PCDHGA1: variants seen among roughly 807,000 people sequenced by gnomAD.
The protein encoded by PCDHGA1 is protocadherin gamma subfamily A, 1, also known as protocadherin gamma-A1.
A neutral mutation model predicts 58.0 loss-of-function variants in PCDHGA1; 32 were observed. The observed-to-expected ratio is 0.55, with a 90% CI of 0.42 to 0.74. PCDHGA1 has a LOEUF of 0.74. Among genes scored for constraint, PCDHGA1 ranks in the 30% least tolerant of loss-of-function variants. PCDHGA1 has a pLI of 0.00. For synonymous variants in PCDHGA1, 498 were observed against 501.1 expected (o/e 0.99, Z 0.08); for missense variants, 1,205 against 1,182.3 (o/e 1.02, Z -0.28).
chr5:141,331,936 T>A lies in PCDHGA1; in HGVS notation c.1252T>A (p.Tyr418Asn). 6.2e-7 allele frequency: 1 copy of A among 1,614,154 alleles called. No individual in the cohort carries two copies. Among genetic ancestry groups the A allele is most frequent in the Non-Finnish European group, 8.5e-7 (1 of 1,180,038 alleles). ...RTLDRELISG[Y>N]NITITAIDQG... The stretch of plus-strand genomic sequence containing the variant: ...ACTGGACAGAGAACTTATCTCTGGG[T>A]ACAACATCACAATAACAGCAATAGA... Residue 418 changes from tyrosine to asparagine, a missense_variant, in exon 1 of 4, where the codon TAC (tyrosine) becomes AAC (asparagine). Tyr to Asn is a moderately radical substitution (Grantham distance 143, BLOSUM62 -2). Transcript: ENST00000517417.
intron 1 of PCDHGA1, among the ~76,000 whole-genome samples, chr5:141,454,626 G>A (rs1206050863): frequency 6.6e-6 from 1 of 151,304 alleles, no homozygotes; most frequent in African/African-American, 2.4e-5. Flanking sequence ...GGCTGGTCTC[G>A]AACCCCCAAC....
Position 141,487,247 on chromosome 5 carries a change from T to C in PCDHGA1, c.2422-7560T>C. Reference sequence around the variant, plus strand: ...GGAAGGAGAATCTCGTCTAACCCTCTACTTGGCTGTGTCCCTAGTGGCAAT... The same window carrying C: ...GGAAGGAGAATCTCGTCTAACCCTCCACTTGGCTGTGTCCCTAGTGGCAAT... On this transcript the variant is annotated intron_variant, in intron 1 of 3. Transcript: ENST00000517417. This position sits in a 1 kb window ranked among gnomAD's most constrained non-coding sequence, Gnocchi z 5.0. 1 of 1,614,174 alleles carries C rather than the reference T, an allele frequency of 6.2e-7. No individual in the cohort carries two copies. The highest frequency in any genetic ancestry group is 1.3e-5 in the African/African-American group (1 of 75,048).
chr5:141,485,922 G>C lies in PCDHGA1; in HGVS notation c.2422-8885G>C. 6.2e-7 allele frequency: 1 copy of C among 1,614,170 alleles called. No individual in the cohort carries two copies. The highest frequency in any genetic ancestry group is 8.5e-7 in the Non-Finnish European group (1 of 1,180,036). On this transcript the variant is annotated intron_variant, in intron 1 of 3. Transcript: ENST00000517417. This position sits in a 1 kb window ranked among gnomAD's most constrained non-coding sequence, Gnocchi z 5.7. The stretch of plus-strand genomic sequence containing the variant: ...TTCCAGCAATCCAGCTACAGGATTA[G>C]TGTGTTGGAGAGCGCACCAGCGGGC...
intron 1 of PCDHGA1, among the ~76,000 whole-genome samples, chr5:141,420,624 CTCAA>C (rs1561789527): frequency 1.3e-5 from 2 of 152,278 alleles, no homozygotes; most frequent in Admixed American, 1.3e-4. Context: ...TCTTCATTTA[CTCAA>C]TAAAGGAACC....
Position 141,511,508 on chromosome 5 carries a change from C to T in PCDHGA1, c.*335C>T, listed in dbSNP as rs1339517659. 7.8e-6 allele frequency: 3 copies of T among 385,970 alleles called. No individual in the cohort carries two copies. Among genetic ancestry groups the T allele is most frequent in the Non-Finnish European group, 1.5e-5 (3 of 206,164 alleles). The allele number at this position is 385,970 out of a possible 1,614,324, so 23.9% of individuals were successfully genotyped here. Reference sequence around the variant, plus strand: ...TCCTCCATCTTCCAAATCAATCAGGCCCATCCATCCCATGCCTCCCTCCTC... The same window carrying T: ...TCCTCCATCTTCCAAATCAATCAGGTCCATCCATCCCATGCCTCCCTCCTC... On this transcript the variant is annotated 3_prime_UTR_variant, in exon 4 of 4. Coordinates refer to ENST00000517417, the MANE Select transcript of PCDHGA1 (RefSeq NM_018912.3).
rs754577584 is a variant in PCDHGA1, at chr5:141,384,611, G to A, written c.2421+51506G>A. The A allele has an allele frequency of 4.3e-6, 7 of 1,614,098 alleles. No individual in the cohort carries two copies. The highest frequency in any genetic ancestry group is 5.9e-6 in the Non-Finnish European group (7 of 1,180,050). On this transcript the variant is annotated intron_variant, in intron 1 of 3. Coordinates refer to ENST00000517417, the MANE Select transcript of PCDHGA1 (RefSeq NM_018912.3). ...CTGTACCCGGCCCTCCCCACAGATG[G>A]TTCTACTGGCATGGAGCTGGCACCC...
At chr5:141,399,501 C>G in intron 1 of PCDHGA1, 1 of 1,614,030 alleles carries the variant, frequency 6.2e-7, no homozygotes, top group South Asian at 1.1e-5. Flanking sequence ...TCAGTGTACC[C>G]GAAAACAACC....
intron 1 of PCDHGA1, chr5:141,427,796 C>A: frequency 6.7e-7 from 1 of 1,502,108 alleles, no homozygotes; most frequent in Non-Finnish European, 9.2e-7. Flanking sequence ...CCTACGTGTC[C>A]GTGAGCGCAC....
chr5:141,502,866 C>CTTTT (rs549047197), intron 2 of PCDHGA1, among the ~76,000 whole-genome samples: 3 of 128,028 alleles, frequency 2.3e-5, no homozygotes, highest in African/African-American at 6.2e-5. Flanking sequence ...GACTCTCTGT[C>CTTTT]TTTTTTTTTT....
At chr5:141,339,894 A>G (rs1281295321) in intron 1 of PCDHGA1, 3 of 1,614,136 alleles carry the variant, frequency 1.9e-6, no homozygotes, top group Non-Finnish European at 1.7e-6. Flanking sequence ...AAAGATCTAG[A>G]TTATGAGGAT....
chr5:141,491,114 C>T lies in PCDHGA1; in HGVS notation c.2422-3693C>T, dbSNP rs1240431232. 1 of 1,614,104 alleles carries T rather than the reference C, an allele frequency of 6.2e-7. No homozygotes were observed. Among genetic ancestry groups the T allele is most frequent in the Admixed American group, 1.7e-5 (1 of 60,012 alleles). ...GGACTGTTCCTCGTGTCTACACACA[C>T]TGGTGAGGTGCGCACAGCCCGGGCC... On this transcript the variant is annotated intron_variant, in intron 1 of 3. Transcript: ENST00000517417. The surrounding 1 kb of genome is among the most constrained non-coding windows in gnomAD (Gnocchi z 6.9).
chr5:141,357,279 C>T lies in PCDHGA1; in HGVS notation c.2421+24174C>T, dbSNP rs139727169. 6.8e-6 allele frequency: 11 copies of T among 1,613,878 alleles called. No individual in the cohort carries two copies. The East Asian group carries it at 2.2e-4, about 33-fold the overall frequency. ...ACGACTCGGGCCTCACACTCTATCT[C>T]GTGGTGGCAGTGGCCGCTGTCTCCT... On this transcript the variant is annotated intron_variant, in intron 1 of 3. Coordinates refer to ENST00000517417, the MANE Select transcript of PCDHGA1 (RefSeq NM_018912.3).
intron 1 of PCDHGA1, chr5:141,365,890 C>G (rs780121604): frequency 6.2e-7 from 1 of 1,614,022 alleles, no homozygotes; most frequent in East Asian, 2.2e-5. Flanking sequence ...TGAGATCCTT[C>G]GACTATGAGC....
intron 1 of PCDHGA1, among the ~76,000 whole-genome samples, chr5:141,474,142 T>G (rs2099344082): frequency 6.6e-6 from 1 of 152,212 alleles, no homozygotes; most frequent in African/African-American, 2.4e-5. Flanking sequence ...ACAGGCCTTA[T>G]TATCAAGAAA....
chr5:141,351,096 T>C, intron 1 of PCDHGA1: 1 of 1,614,058 alleles, frequency 6.2e-7, no homozygotes, highest in Non-Finnish European at 8.5e-7. Flanking sequence ...TATGCCTTCC[T>C]CAATTCCCCA....
intron 1 of PCDHGA1, among the ~76,000 whole-genome samples, chr5:141,462,839 T>C (rs1020663897): frequency 8.5e-5 from 13 of 152,228 alleles, no homozygotes; most frequent in Non-Finnish European, 1.5e-4. Context: ...GTAAATGTTA[T>C]ATTTTTGAGT....
intron 1 of PCDHGA1, chr5:141,441,396 C>T (rs2098244328): frequency 6.5e-6 from 1 of 154,724 alleles, no homozygotes; most frequent in Admixed American, 6.5e-5. Flanking sequence ...GGTATAACAT[C>T]AGCATCACTG....
Position 141,443,030 on chromosome 5 carries a change from C to A in PCDHGA1, c.2422-51777C>A, listed in dbSNP as rs147317486. ...ATATGACTAATGGAAGTTGCCAGAC[C>A]TAAACTTTGAAAATTATTGTTCCAC... On this transcript the variant is annotated intron_variant, in intron 1 of 3. Transcript: ENST00000517417. Among the ~76,000 whole-genome samples, 31 of 152,290 alleles carry A rather than the reference C, an allele frequency of 2.0e-4. No individual in the cohort carries two copies. The East Asian group carries it at 3.5e-3, about 17-fold the overall frequency.
At position 141,395,016 on chromosome 5, in the gene PCDHGA1, G is replaced by C. The variant is rs772379480; in HGVS notation, c.2421+61911G>C. The C allele has an allele frequency of 4.3e-6, 7 of 1,613,950 alleles. No homozygotes were observed. In the Admixed American group the frequency reaches 5.0e-5, roughly 12 times the overall value. ...GGATTCCGGTGGCAGATTGGTAGGCGTGCCTGCCTCACATTTTGTGGGTGT... is the reference window on the plus strand; with the variant it reads ...GGATTCCGGTGGCAGATTGGTAGGCCTGCCTGCCTCACATTTTGTGGGTGT... On this transcript the variant is annotated intron_variant, in intron 1 of 3. Coordinates refer to ENST00000517417, the MANE Select transcript of PCDHGA1 (RefSeq NM_018912.3).
Sources: gnomAD v4.1 joint callset for allele counts (sites outside exome capture counted in the v4.1 genomes callset) on GRCh38, gnomAD v4.1.1 for gene constraint, Gnocchi (gnomAD v3.1) non-coding constraint, MANE v1.5 for transcripts, NCBI Gene and HGNC (gene_info 2026-07-23, HGNC 2026-07-21) for gene names.